The following MAML2 variants were observed in gnomAD, a reference collection of about 807,000 sequenced individuals.
The protein encoded by MAML2 is mastermind like transcriptional coactivator 2, also known as mastermind-like protein 2.
Under a neutral mutation model 96.1 loss-of-function variants are expected in MAML2, and 22 were observed. The observed-to-expected ratio is 0.23, with a 90% CI of 0.16 to 0.33. The LOEUF (loss-of-function observed/expected upper bound fraction) is 0.33, where lower values mean the gene tolerates loss of function less well. Ranked by LOEUF, MAML2 falls within the 10% of genes least tolerant of loss-of-function variation. The pLI is 1.00. For missense variants in MAML2, 1,367 were observed against 1,392.4 expected, an observed-to-expected ratio of 0.98 and a Z score of 0.29; for synonymous variants, 561 against 521.3, an observed-to-expected ratio of 1.08 and a Z score of -1.04.
intron 1 of MAML2, among the ~76,000 whole-genome samples, chr11:96,266,949 C>T (rs190075089): frequency 7.2e-5 from 11 of 152,292 alleles, no homozygotes; most frequent in Non-Finnish European, 1.5e-4. Context: ...GTAAATCTCC[C>T]ATTGAGCAAA....
At position 96,118,386 on chromosome 11, in the gene MAML2, T is replaced by C. The variant is rs538372195; in HGVS notation, c.514-24869A>G. On this transcript the variant is annotated intron_variant, in intron 1 of 4. Coordinates refer to ENST00000524717, the MANE Select transcript of MAML2 (RefSeq NM_032427.4). ...GTGAGTGAGTTCTCAGGTTTAAAAGTGAAACTCCTCCCTTTGCGGTCTTTC... is the reference window on the plus strand; with the variant it reads ...GTGAGTGAGTTCTCAGGTTTAAAAGCGAAACTCCTCCCTTTGCGGTCTTTC... 2.0e-5 allele frequency among the ~76,000 whole-genome samples: 3 copies of C among 152,250 alleles called. No individual in the cohort carries two copies. In the East Asian group the frequency reaches 5.8e-4, roughly 29 times the overall value.
Position 96,261,242 on chromosome 11 carries a change from G to A in MAML2, c.513+80141C>T, listed in dbSNP as rs984607272. ...GAGACCTGAGCTAGCACATTAGCAC[G>A]CTCAGCCCCCTCCGCCACGTGATGC... On this transcript the variant is annotated intron_variant, in intron 1 of 4. Coordinates refer to ENST00000524717, the MANE Select transcript of MAML2 (RefSeq NM_032427.4). 5.3e-5 allele frequency among the ~76,000 whole-genome samples: 8 copies of A among 151,916 alleles called. No individual in the cohort carries two copies. In the South Asian group the frequency reaches 8.4e-4, roughly 16 times the overall value.
chr11:96,095,004 C>A (rs1435587453), intron 1 of MAML2, among the ~76,000 whole-genome samples: 1 of 152,120 alleles, frequency 6.6e-6, no homozygotes, highest in African/African-American at 2.4e-5. Flanking sequence ...GCACAACAAT[C>A]CCATTAGAAA....
chr11:96,155,573 A>G (rs1409502093), intron 1 of MAML2, among the ~76,000 whole-genome samples: 3 of 127,890 alleles, frequency 2.3e-5, no homozygotes, highest in Non-Finnish European at 4.9e-5. Flanking sequence ...CTGGCTACCT[A>G]GAACACCCTG....
chr11:96,095,322 A>C (rs1267477746), intron 1 of MAML2, among the ~76,000 whole-genome samples: 1 of 152,218 alleles, frequency 6.6e-6, no homozygotes, highest in African/African-American at 2.4e-5. Context: ...CATCTGGCTC[A>C]TCAATATTTG....
chr11:96,100,919 A>G (rs1859918644), intron 1 of MAML2, among the ~76,000 whole-genome samples: 1 of 150,862 alleles, frequency 6.6e-6, no homozygotes. Flanking sequence ...CTGATTTTAA[A>G]TTTTTTTGTA....
chr11:96,319,619 C>T (rs1035970750), intron 1 of MAML2, among the ~76,000 whole-genome samples: 1 of 152,136 alleles, frequency 6.6e-6, no homozygotes, highest in Non-Finnish European at 1.5e-5. Context: ...TTTTGCTTTG[C>T]TACTCATTGA....
intron 1 of MAML2, among the ~76,000 whole-genome samples, chr11:96,238,566 C>G (rs1035618796): frequency 6.6e-6 from 1 of 152,204 alleles, no homozygotes; most frequent in African/African-American, 2.4e-5. Context: ...AGGTTTAGCT[C>G]CTGGATCGAT....
In MAML2 at chr11:96,092,613, C is replaced by T. The variant is rs779839045; in HGVS notation, c.1418G>A (p.Gly473Asp). ...ALPSSAGPSP[G>D]PFGQEKIPSP... ...GGGGATTTTCTCCTGCCCAAATGGA[C>T]CTGGTGATGGTCCAGCAGAAGAGGG... Residue 473 changes from glycine (G) to aspartate (D), a missense_variant, in exon 2 of 5, where the codon GGT (glycine) becomes GAT (aspartate). Gly to Asp is a moderately conservative substitution (Grantham distance 94, BLOSUM62 -1). Transcript: ENST00000524717. This position sits in a 1 kb window ranked among gnomAD's most constrained non-coding sequence, Gnocchi z 4.1. 1 of 1,612,830 alleles carries T rather than the reference C, an allele frequency of 6.2e-7. No individual in the cohort carries two copies. Among genetic ancestry groups the T allele is most frequent in the Non-Finnish European group, 8.5e-7 (1 of 1,179,246 alleles).
At chr11:96,044,608 G>C (rs1858867071) in intron 2 of MAML2, among the ~76,000 whole-genome samples, 1 of 152,134 alleles carries the variant, frequency 6.6e-6, no homozygotes, top group South Asian at 2.1e-4. Flanking sequence ...ATGAGGCCAT[G>C]ATCAGCTAAC....
Position 96,342,600 on chromosome 11 carries a change from G to A in MAML2, c.-705C>T, listed in dbSNP as rs894407324. 1.0e-5 allele frequency: 4 copies of A among 393,682 alleles called. No homozygotes were observed. Among genetic ancestry groups the A allele is most frequent in the Non-Finnish European group, 1.8e-5 (4 of 223,624 alleles). The allele number at this position is 393,682 out of a possible 1,614,324, so 24.4% of individuals were successfully genotyped here. A position where few individuals can be genotyped will look rare whatever the true frequency, so the allele number is the denominator to read the frequency against. ...GGTGTTTTCTCCTCTTTGGGGTACT[G>A]TAGGATGTTGTCTTCTCCCAAAAGA... On this transcript the variant is annotated 5_prime_UTR_variant, in exon 1 of 5. Transcript: ENST00000524717.
At chr11:96,316,653 C>G (rs1432320808) in intron 1 of MAML2, among the ~76,000 whole-genome samples, 1 of 152,164 alleles carries the variant, frequency 6.6e-6, no homozygotes, top group Non-Finnish European at 1.5e-5. Context: ...TGAGCAGGAC[C>G]TACAGGCTTG....
chr11:96,047,890 C>A (rs372251773), intron 2 of MAML2, among the ~76,000 whole-genome samples: 1 of 113,226 alleles, frequency 8.8e-6, no homozygotes, highest in Non-Finnish European at 1.7e-5. Context: ...CCAGCCTGGG[C>A]GACAGGCAAG....
intron 2 of MAML2, among the ~76,000 whole-genome samples, chr11:95,995,942 T>C (rs372593903): frequency 6.6e-6 from 1 of 152,168 alleles, no homozygotes; most frequent in South Asian, 2.1e-4. Context: ...TGCATAATCA[T>C]TTCCATTAGG....
intron 1 of MAML2, among the ~76,000 whole-genome samples, chr11:96,154,361 AG>A (rs2135881427): frequency 6.6e-6 from 1 of 152,344 alleles, no homozygotes; most frequent in South Asian, 2.1e-4. Context: ...ATTTGCTACC[AG>A]CACATACACT....
Position 96,093,266 on chromosome 11 carries a change from A to G in MAML2, c.765T>C (p.Asn255=), listed in dbSNP as rs1440232586. The part of the protein sequence containing the change: ...TLPSHTHSPG[N]GLFNMGLKEV... Reference sequence around the variant, plus strand: ...CCTTTAAGCCCATGTTAAACAGGCCATTGCCAGGAGAATGTGTATGGGATG... The same window carrying G: ...CCTTTAAGCCCATGTTAAACAGGCCGTTGCCAGGAGAATGTGTATGGGATG... Residue 255 remains asparagine (N), a synonymous_variant, in exon 2 of 5, where the codon AAT becomes AAC. Coordinates refer to ENST00000524717, the MANE Select transcript of MAML2 (RefSeq NM_032427.4). 16 of 1,613,922 alleles carry G rather than the reference A, an allele frequency of 9.9e-6. No individual in the cohort carries two copies. The highest frequency in any genetic ancestry group is 1.3e-5 in the Non-Finnish European group (15 of 1,179,908).
intron 1 of MAML2, among the ~76,000 whole-genome samples, chr11:96,180,189 T>C (rs1455328578): frequency 1.3e-5 from 2 of 152,090 alleles, no homozygotes; most frequent in Non-Finnish European, 2.9e-5. Flanking sequence ...AAGTTTGTGA[T>C]GGATGGTGTT....
intron 1 of MAML2, among the ~76,000 whole-genome samples, chr11:96,121,673 G>A (rs1355716374): frequency 6.6e-6 from 1 of 151,562 alleles, no homozygotes; most frequent in Non-Finnish European, 1.5e-5. Flanking sequence ...CCACAGTGAG[G>A]CATTCTTTTT....
chr11:96,152,680 T>A (rs1421767888), intron 1 of MAML2, among the ~76,000 whole-genome samples: 2 of 151,978 alleles, frequency 1.3e-5, no homozygotes, highest in Admixed American at 6.6e-5. Flanking sequence ...CAAGGAAGAG[T>A]CATGGTGGGT....
Sources: allele counts gnomAD v4.1 joint callset (sites outside exome capture counted in the v4.1 genomes callset), GRCh38; gene constraint gnomAD v4.1.1; non-coding constraint Gnocchi (gnomAD v3.1); transcripts MANE v1.5; gene names NCBI Gene and HGNC (gene_info 2026-07-23, HGNC 2026-07-21).